The following RAD51B variants were observed in gnomAD, a reference collection of about 807,000 sequenced individuals.
RAD51B encodes DNA repair protein RAD51 homolog 2.
A neutral mutation model predicts 42.2 loss-of-function variants in RAD51B; 38 were observed. The ratio of observed to expected loss-of-function variants is 0.90; its 90% confidence interval spans 0.70 to 1.18. The LOEUF is 1.18. Ranked by LOEUF, RAD51B falls within the 50% of genes most tolerant of loss-of-function variation. The pLI is 0.00. For synonymous variants in RAD51B, 154 were observed against 145.2 expected (o/e 1.06, Z -0.43); for missense variants, 373 against 400.7 (o/e 0.93, Z 0.59).
intron 10 of RAD51B, among the ~76,000 whole-genome samples, chr14:68,527,654 T>C (rs1460946124): frequency 3.3e-5 from 5 of 152,284 alleles, no homozygotes; most frequent in Non-Finnish European, 5.9e-5. Context: ...CTTGTGCCTG[T>C]TGGTCTTGGA....
intron 7 of RAD51B, among the ~76,000 whole-genome samples, chr14:67,992,497 G>A (rs907409193): frequency 6.6e-6 from 1 of 152,110 alleles, no homozygotes; most frequent in Non-Finnish European, 1.5e-5. Flanking sequence ...ATCAGAAAGG[G>A]GGTAAAACTA....
At chr14:68,251,058 T>A (rs1288841689) in intron 7 of RAD51B, among the ~76,000 whole-genome samples, 1 of 152,198 alleles carries the variant, frequency 6.6e-6, no homozygotes, top group Non-Finnish European at 1.5e-5. Context: ...GGAGAGATGC[T>A]GGACAAAACA....
At chr14:68,319,176 G>A (rs1376517571) in intron 8 of RAD51B, among the ~76,000 whole-genome samples, 1 of 152,170 alleles carries the variant, frequency 6.6e-6, no homozygotes, top group Non-Finnish European at 1.5e-5. Flanking sequence ...TGACTGCTTT[G>A]CCACTCTGCA....
chr14:68,237,206 A>G (rs114781101), intron 7 of RAD51B, among the ~76,000 whole-genome samples: 2 of 152,200 alleles, frequency 1.3e-5, no homozygotes, highest in African/African-American at 4.8e-5. Flanking sequence ...TCAAGTGTCT[A>G]TTCCCTCCTG....
At chr14:68,656,555 G>A (rs1193232137) in intron 11 of RAD51B, among the ~76,000 whole-genome samples, 4 of 152,070 alleles carry the variant, frequency 2.6e-5, no homozygotes, top group Non-Finnish European at 5.9e-5. Flanking sequence ...TGGCCTCTGT[G>A]AGGGGTGCAG....
At chr14:68,178,441 GT>G (rs2079000994) in intron 7 of RAD51B, among the ~76,000 whole-genome samples, 1 of 152,104 alleles carries the variant, frequency 6.6e-6, no homozygotes, top group Non-Finnish European at 1.5e-5. Context: ...AAGAAACAGG[GT>G]TCCCTACTTG....
chr14:68,492,282 C>A (rs1054018723), intron 10 of RAD51B, among the ~76,000 whole-genome samples: 2 of 152,190 alleles, frequency 1.3e-5, no homozygotes, highest in African/African-American at 4.8e-5. Context: ...TATCGCTATA[C>A]AAGGTAATAA....
intron 7 of RAD51B, among the ~76,000 whole-genome samples, chr14:68,047,771 G>A (rs1362033875): frequency 6.6e-6 from 1 of 152,162 alleles, no homozygotes; most frequent in African/African-American, 2.4e-5. Context: ...TGAGTCTACT[G>A]CTTTAAGTAG....
At chr14:67,926,051 A>G (rs1362984820) in intron 7 of RAD51B, among the ~76,000 whole-genome samples, 1 of 152,018 alleles carries the variant, frequency 6.6e-6, no homozygotes, top group Non-Finnish European at 1.5e-5. Context: ...TCCCATGAAG[A>G]CCTCTGACAT....
At chr14:68,633,780 T>G (rs1386139988) in intron 10 of RAD51B, among the ~76,000 whole-genome samples, 2 of 152,198 alleles carry the variant, frequency 1.3e-5, no homozygotes, top group African/African-American at 4.8e-5. Context: ...TACCTCGCCC[T>G]AAGATGTGAC....
chr14:68,635,624 A>G (rs1206444023), intron 10 of RAD51B, among the ~76,000 whole-genome samples: 3 of 152,162 alleles, frequency 2.0e-5, no homozygotes, highest in Non-Finnish European at 4.4e-5. Context: ...CTTGTTACCA[A>G]TATAAAAATT....
rs923975879 is a variant in RAD51B at position 67,956,237 on chromosome 14, C to T, written c.756+69033C>T. Among the ~76,000 whole-genome samples the T allele has an allele frequency of 3.9e-5, 6 of 152,088 alleles. No homozygotes were observed. In the East Asian group the frequency reaches 5.8e-4, roughly 15 times the overall value. On this transcript the variant is annotated intron_variant, in intron 7 of 10. Coordinates refer to ENST00000471583, the MANE Select transcript of RAD51B (RefSeq NM_133510.4). ...GTATCTGGCCGGGTGTGGTGGCTCA[C>T]GCCTGTAATCCCAGTAGTTTGGGAG...
chr14:68,473,177 A>G (rs1045193753), intron 10 of RAD51B, among the ~76,000 whole-genome samples: 8 of 152,234 alleles, frequency 5.3e-5, no homozygotes, highest in African/African-American at 1.4e-4. Flanking sequence ...AGGTATCTGC[A>G]TGGTAAATAC....
chr14:68,629,772 A>C (rs1892182447), intron 10 of RAD51B, among the ~76,000 whole-genome samples: 1 of 152,180 alleles, frequency 6.6e-6, no homozygotes, highest in Non-Finnish European at 1.5e-5. Context: ...ATACGTCCTA[A>C]GATATTTATT....
At chr14:68,566,501 C>T (rs1889426673) in intron 10 of RAD51B, among the ~76,000 whole-genome samples, 1 of 152,196 alleles carries the variant, frequency 6.6e-6, no homozygotes, top group African/African-American at 2.4e-5. Context: ...GTTATGCCAG[C>T]TTCATTCAAA....
At chr14:68,515,731 GC>G (rs1886097090) in intron 10 of RAD51B, among the ~76,000 whole-genome samples, 1 of 149,192 alleles carries the variant, frequency 6.7e-6, no homozygotes, top group Non-Finnish European at 1.5e-5. Context: ...ACAGGTATGA[GC>G]CACCCAGGTG....
chr14:68,439,553 C>A (rs1249460428), intron 9 of RAD51B, among the ~76,000 whole-genome samples: 1 of 152,088 alleles, frequency 6.6e-6, no homozygotes, highest in African/African-American at 2.4e-5. Flanking sequence ...AATATAAGAC[C>A]CCCAATCTCT....
At chr14:68,481,753 C>G (rs1566907966), downstream of RAD51B, among the ~76,000 whole-genome samples, 1 of 152,178 alleles carries the variant, frequency 6.6e-6, no homozygotes, top group Non-Finnish European at 1.5e-5. Flanking sequence ...ATCCCTTGCC[C>G]TGTAATATTT....
chr14:68,164,139 T>C (rs570236008), intron 7 of RAD51B, among the ~76,000 whole-genome samples: 1 of 152,346 alleles, frequency 6.6e-6, no homozygotes, highest in Admixed American at 6.5e-5. Flanking sequence ...AAGTGACTTA[T>C]TTAGAATTTC....
Sources: allele counts gnomAD v4.1 joint callset (sites outside exome capture counted in the v4.1 genomes callset), GRCh38; gene constraint gnomAD v4.1.1; transcripts MANE v1.5; gene names NCBI Gene and HGNC (gene_info 2026-07-23, HGNC 2026-07-21).